The following TRIM36 variants were observed in gnomAD, a reference collection of about 807,000 sequenced individuals.
TRIM36 encodes the protein E3 ubiquitin-protein ligase TRIM36.
TRIM36 carries 42 observed loss-of-function variants against 72.4 expected under a neutral mutation model. That is an observed-to-expected ratio of 0.58 (90% CI 0.45 to 0.75). The LOEUF is 0.75. Ranked by LOEUF, TRIM36 falls within the 30% of genes least tolerant of loss-of-function variation. The pLI, the probability that TRIM36 is intolerant of heterozygous loss-of-function variation, is 0.00. For missense variants in TRIM36, 913 were observed against 857.1 expected, an observed-to-expected ratio of 1.07 and a Z score of -0.81; for synonymous variants, 315 against 282.8, an observed-to-expected ratio of 1.11 and a Z score of -1.14.
chr5:115,151,204 G>A (rs1413600224), intron 2 of TRIM36, among the ~76,000 whole-genome samples: 1 of 152,178 alleles, frequency 6.6e-6, no homozygotes, highest in East Asian at 1.9e-4. Context: ...CAGTGGAAGT[G>A]GGACTGGCCC....
intron 4 of TRIM36, among the ~76,000 whole-genome samples, chr5:115,141,972 A>C (rs1042308236): frequency 1.3e-5 from 2 of 152,166 alleles, no homozygotes; most frequent in African/African-American, 4.8e-5. Context: ...TTTCTTTCCC[A>C]CAGAAATACC....
At chr5:115,141,581 A>T (rs573717483) in intron 4 of TRIM36, among the ~76,000 whole-genome samples, 2 of 152,320 alleles carry the variant, frequency 1.3e-5, no homozygotes, top group South Asian at 4.1e-4. Flanking sequence ...TGAAAGATTA[A>T]AATCAGTTGG....
At chr5:115,176,135 T>A (rs529383087) in intron 1 of TRIM36, among the ~76,000 whole-genome samples, 80 of 151,912 alleles carry the variant, frequency 5.3e-4, no homozygotes, top group African/African-American at 1.8e-3. Context: ...CAAAAAAAAA[T>A]AAAAATAAAA....
chr5:115,142,707 T>C (rs1303914346), intron 4 of TRIM36, among the ~76,000 whole-genome samples: 3 of 152,224 alleles, frequency 2.0e-5, no homozygotes, highest in South Asian at 2.1e-4. Flanking sequence ...AGAATCAGGA[T>C]GTCCATTTAT....
Position 115,147,174 on chromosome 5 carries a change from G to A in TRIM36, c.483C>T (p.Asp161=), listed in dbSNP as rs768288213. 1.1e-5 allele frequency: 17 copies of A among 1,614,224 alleles called. No homozygotes were observed. Among genetic ancestry groups the A allele is most frequent in the African/African-American group, 2.7e-5 (2 of 75,058 alleles). ...ATTCATTGCAGTAACTTGCACTACAGTCCATGCAGCTTTTTGTGGATTCTT... is the reference window on the plus strand; with the variant it reads ...ATTCATTGCAGTAACTTGCACTACAATCCATGCAGCTTTTTGTGGATTCTT... ...PPQESTKSCM[D]CSASYCNECF... is the part of the protein sequence containing the mutation. The change falls in exon 3 of 10, where the codon GAC becomes GAT. Residue 161 remains aspartate (D), a synonymous_variant. Transcript: ENST00000513154.
chr5:115,167,435 C>A (rs1051101365), intron 1 of TRIM36, among the ~76,000 whole-genome samples: 1 of 152,220 alleles, frequency 6.6e-6, no homozygotes, highest in Non-Finnish European at 1.5e-5. Context: ...CCTTTCTACT[C>A]CATGGTAAGG....
intron 2 of TRIM36, among the ~76,000 whole-genome samples, chr5:115,152,210 T>C (rs1281931264): frequency 2.0e-5 from 3 of 152,086 alleles, no homozygotes; most frequent in African/African-American, 2.4e-5. Flanking sequence ...GACACACTAA[T>C]AGAAATGCAA....
intron 4 of TRIM36, 117 bp downstream of exon 4, chr5:115,144,481 T>C (rs1753466845): frequency 1.6e-6 from 2 of 1,261,510 alleles, no homozygotes; most frequent in African/African-American, 1.5e-5. Context: ...AGTAACACTT[T>C]AACTCATTTT....
At chr5:115,142,194 A>G (rs1753314883) in intron 4 of TRIM36, among the ~76,000 whole-genome samples, 1 of 152,156 alleles carries the variant, frequency 6.6e-6, no homozygotes, top group Non-Finnish European at 1.5e-5. Context: ...CTCAATTACC[A>G]CCGATGACTT....
chr5:115,177,771 C>T (rs561180231), intron 1 of TRIM36: 1 of 1,614,142 alleles, frequency 6.2e-7, no homozygotes, highest in East Asian at 2.2e-5. Flanking sequence ...TTGGGAGAGA[C>T]TGCTTTCCAA....
chr5:115,160,275 G>A (rs915711762), intron 2 of TRIM36, among the ~76,000 whole-genome samples: 2 of 152,068 alleles, frequency 1.3e-5, no homozygotes, highest in Admixed American at 6.5e-5. Context: ...TACAATATAC[G>A]TAAGTTTAAA....
chr5:115,137,265 C>T, intron 6 of TRIM36, 98 bp downstream of exon 6: 1 of 1,499,826 alleles, frequency 6.7e-7, no homozygotes, highest in Non-Finnish European at 8.9e-7. Flanking sequence ...CTCACATTAA[C>T]ACAGCATTAT....
At chr5:115,164,090 A>G (rs1754633385) in intron 1 of TRIM36, among the ~76,000 whole-genome samples, 1 of 152,190 alleles carries the variant, frequency 6.6e-6, no homozygotes, top group Admixed American at 6.5e-5. Context: ...TGAAATCCTA[A>G]AAGTAGATCA....
intron 3 of TRIM36, 25 bp from the exon 4 acceptor site, chr5:115,144,769 G>C (rs903446915): frequency 1.9e-6 from 3 of 1,587,926 alleles, no homozygotes. Flanking sequence ...ATAAAAGTGT[G>C]ATTAAGGATC....
Position 115,177,446 on chromosome 5 carries a change from C to T in TRIM36, c.63+2529G>A, listed in dbSNP as rs567544818. ...TACTCTCTTAACTCTCATAATTAGACCAGTTTCCCATTATTCTTTACATTA... is the reference window on the plus strand; with the variant it reads ...TACTCTCTTAACTCTCATAATTAGATCAGTTTCCCATTATTCTTTACATTA... On this transcript the variant is annotated intron_variant, in intron 1 of 9. Transcript: ENST00000282369. The T allele has an allele frequency of 1.7e-5, 17 of 994,588 alleles. No homozygotes were observed. In the African/African-American group the frequency reaches 2.5e-4, roughly 15 times the overall value. 61.6% of individuals were successfully genotyped at this position (994,588 alleles called of 1,614,324 possible). A position where few individuals can be genotyped will look rare whatever the true frequency, so the allele number is the denominator to read the frequency against.
At chr5:115,164,280 G>A (rs1045419242) in intron 1 of TRIM36, among the ~76,000 whole-genome samples, 2 of 152,154 alleles carry the variant, frequency 1.3e-5, no homozygotes, top group Admixed American at 6.5e-5. Flanking sequence ...CATTAAATGC[G>A]ACCATTCTTC....
chr5:115,177,290 A>G (rs1217288749), intron 1 of TRIM36: 1 of 161,360 alleles, frequency 6.2e-6, no homozygotes, highest in Non-Finnish European at 1.4e-5. Context: ...AATTATGTAC[A>G]GAGCTTGAGA....
chr5:115,150,484 G>A (rs1470809548), intron 2 of TRIM36, among the ~76,000 whole-genome samples: 1 of 152,122 alleles, frequency 6.6e-6, no homozygotes, highest in Non-Finnish European at 1.5e-5. Flanking sequence ...TTGCTCAATT[G>A]CATTAGACAA....
intron 7 of TRIM36, among the ~76,000 whole-genome samples, chr5:115,134,870 T>G (rs895417423): frequency 1.3e-5 from 2 of 152,352 alleles, no homozygotes; most frequent in Non-Finnish European, 2.9e-5. Context: ...TTTCTTTGCA[T>G]AGTTTATTCT....
Sources: gnomAD v4.1 joint callset for allele counts (sites outside exome capture counted in the v4.1 genomes callset) on GRCh38, gnomAD v4.1.1 for gene constraint, MANE v1.5 for transcripts, NCBI Gene and HGNC (gene_info 2026-07-23, HGNC 2026-07-21) for gene names.